Variants in SCN8A observed in about 807,000 individuals in gnomAD.
SCN8A encodes the protein sodium voltage-gated channel alpha subunit 8.
A neutral mutation model predicts 184.1 loss-of-function variants in SCN8A; 30 were observed. The observed-to-expected ratio is 0.16, with a 90% CI of 0.12 to 0.22. The LOEUF (loss-of-function observed/expected upper bound fraction) is 0.22, where lower values mean the gene tolerates loss of function less well. Ranked by LOEUF, SCN8A falls within the 10% of genes least tolerant of loss-of-function variation. SCN8A has a pLI of 1.00. For synonymous variants in SCN8A, 852 were observed against 907.0 expected (o/e 0.94, Z 1.09); for missense variants, 1,057 against 2,498.9 (o/e 0.42, Z 12.30).
At chr12:51,604,533 G>A (rs1222818958) in intron 1 of SCN8A, among the ~76,000 whole-genome samples, 1 of 151,548 alleles carries the variant, frequency 6.6e-6, no homozygotes, top group Non-Finnish European at 1.5e-5. Context: ...GTTTCGTTTT[G>A]TTTGGTTTTC....
intron 16 of SCN8A, chr12:51,766,265 G>T: frequency 1.8e-6 from 1 of 554,714 alleles, no homozygotes; most frequent in East Asian, 3.0e-5. Context: ...AGTTAGGAAA[G>T]CAAACTCAGC....
intron 1 of SCN8A, among the ~76,000 whole-genome samples, chr12:51,643,204 G>A (rs1565870833): frequency 6.6e-6 from 1 of 152,144 alleles, no homozygotes; most frequent in Admixed American, 6.5e-5. Flanking sequence ...GAAAGAACTT[G>A]ATCTTAGTCA....
intron 1 of SCN8A, among the ~76,000 whole-genome samples, chr12:51,617,767 A>G (rs1451093056): frequency 6.6e-6 from 1 of 152,190 alleles, no homozygotes; most frequent in African/African-American, 2.4e-5. Context: ...AGTTAGATTC[A>G]GGTTGCAAAT....
At chr12:51,730,888 C>T (rs1369044864) in intron 12 of SCN8A, among the ~76,000 whole-genome samples, 2 of 152,198 alleles carry the variant, frequency 1.3e-5, no homozygotes, top group Non-Finnish European at 2.9e-5. Flanking sequence ...CTTTGGTAAC[C>T]ATCCTTCTAC....
chr12:51,627,166 TTTG>T (rs1293998521), intron 1 of SCN8A, among the ~76,000 whole-genome samples: 1 of 152,158 alleles, frequency 6.6e-6, no homozygotes, highest in Non-Finnish European at 1.5e-5. Flanking sequence ...TAGTGTTGGT[TTTG>T]TTGTTAACAT....
Position 51,786,687 on chromosome 12 carries a change from T to C in SCN8A, c.4088T>C (p.Ile1363Thr), listed in dbSNP as rs1229965891. The C allele has an allele frequency of 1.1e-5, 17 of 1,613,996 alleles. No homozygotes were observed. Among genetic ancestry groups the C allele is most frequent in the Non-Finnish European group, 1.4e-5 (16 of 1,179,896 alleles). ...YHYCFNETSEIRFEIEDVNNK... is the reference protein window; with the variant it reads ...YHYCFNETSETRFEIEDVNNK... ...TACTGCTTTAATGAGACTTCTGAAA[T>C]CCGATTTGAAATTGAAGATGTCAAC... The change falls in exon 22 of 27, where the codon ATC becomes ACC. Residue 1363 changes from isoleucine to threonine, a missense_variant. Ile to Thr is a moderately conservative substitution (Grantham distance 89, BLOSUM62 -1). This residue lies in a region of SCN8A where 13 missense variants were observed against 20.0 expected (regional missense o/e 0.65). Coordinates refer to ENST00000627620, the MANE Select transcript of SCN8A (RefSeq NM_001330260.2).
chr12:51,772,408 A>T (rs1271713485), intron 19 of SCN8A, among the ~76,000 whole-genome samples: 2 of 151,864 alleles, frequency 1.3e-5, no homozygotes, highest in Non-Finnish European at 2.9e-5. Flanking sequence ...AAAAAAAAAA[A>T]AATAACAAAA....
chr12:51,786,711 A>G lies in SCN8A; in HGVS notation c.4112A>G (p.Asn1371Ser). The G allele has an allele frequency of 1.9e-6, 3 of 1,614,056 alleles. No homozygotes were observed. The highest frequency in any genetic ancestry group is 1.7e-6 in the Non-Finnish European group (2 of 1,179,894). The change falls in exon 22 of 27, where the codon AAC becomes AGC. Residue 1371 changes from asparagine (N) to serine (S), a missense_variant. Coordinates refer to ENST00000627620, the MANE Select transcript of SCN8A (RefSeq NM_001330260.2). ...ATCCGATTTGAAATTGAAGATGTCA[A>G]CAATAAAACTGAATGTGAAAAGCTT... is the stretch of plus-strand genomic sequence containing the variant. ...SEIRFEIEDV[N>S]NKTECEKLME... is the part of the protein sequence containing the mutation.
At chr12:51,678,221 T>C (rs1941259428) in intron 2 of SCN8A, among the ~76,000 whole-genome samples, 1 of 152,136 alleles carries the variant, frequency 6.6e-6, no homozygotes, top group Non-Finnish European at 1.5e-5. Context: ...GAACAGGGGA[T>C]AAAAGTAGGG....
At chr12:51,802,068 C>T (rs541327374) in intron 26 of SCN8A, among the ~76,000 whole-genome samples, 10 of 151,940 alleles carry the variant, frequency 6.6e-5, no homozygotes, top group African/African-American at 1.7e-4. Flanking sequence ...AAAAAAGAAA[C>T]TCAAGCAGTT....
intron 11 of SCN8A, among the ~76,000 whole-genome samples, chr12:51,716,373 A>G (rs1400577100): frequency 6.6e-6 from 1 of 152,166 alleles, no homozygotes; most frequent in African/African-American, 2.4e-5. Context: ...TAAAAAATAA[A>G]GTAGAGCATA....
In SCN8A at chr12:51,807,408, G is replaced by A; in HGVS notation, c.5922G>A (p.Glu1974=). ...GRRERAKRQK[E]VRESKC ...GGGAAAGAGCCAAAAGACAAAAAGAGGTCAGAGAATCCAAGTGTTAGAGGA... is the reference window on the plus strand; with the variant it reads ...GGGAAAGAGCCAAAAGACAAAAAGAAGTCAGAGAATCCAAGTGTTAGAGGA... The change falls in exon 27 of 27, where the codon GAG becomes GAA. Residue 1974 remains glutamate (E), a synonymous_variant. Coordinates refer to ENST00000627620, the MANE Select transcript of SCN8A (RefSeq NM_001330260.2). This position sits in a 1 kb window ranked among gnomAD's most constrained non-coding sequence, Gnocchi z 4.5. 1 of 1,611,374 alleles carries A rather than the reference G, an allele frequency of 6.2e-7. No individual in the cohort carries two copies. The highest frequency in any genetic ancestry group is 8.5e-7 in the Non-Finnish European group (1 of 1,178,574).
chr12:51,771,281 T>C (rs997229038), intron 19 of SCN8A, among the ~76,000 whole-genome samples: 3 of 151,718 alleles, frequency 2.0e-5, no homozygotes, highest in African/African-American at 7.3e-5. Context: ...TGTGAGGGAG[T>C]TGCTTGCTGG....
rs747058901 is a variant in SCN8A, at chr12:51,769,173, T to C, written c.3210T>C (p.Ile1070=). Reference sequence around the variant, plus strand: ...ATGGCAATGGCACAACCAGCGGCATTGGCAGCAGCGTGGAGAAGTACATCA... The same window carrying C: ...ATGGCAATGGCACAACCAGCGGCATCGGCAGCAGCGTGGAGAAGTACATCA... ...QKNGNGTTSG[I]GSSVEKYIID... Residue 1070 remains isoleucine, a synonymous_variant, in exon 17 of 27, where the codon ATT becomes ATC. Coordinates refer to ENST00000627620, the MANE Select transcript of SCN8A (RefSeq NM_001330260.2). 6.2e-7 allele frequency: 1 copy of C among 1,613,764 alleles called. No homozygotes were observed. The highest frequency in any genetic ancestry group is 8.5e-7 in the Non-Finnish European group (1 of 1,179,772).
chr12:51,631,199 C>T (rs1940189513), intron 1 of SCN8A, among the ~76,000 whole-genome samples: 1 of 152,172 alleles, frequency 6.6e-6, no homozygotes, highest in African/African-American at 2.4e-5. Flanking sequence ...TTTGGCTGGC[C>T]CTTTTCTATC....
chr12:51,647,810 A>G lies in SCN8A; in HGVS notation c.-54-14954A>G, dbSNP rs1940624358. On this transcript the variant is annotated intron_variant, in intron 1 of 26. Coordinates refer to ENST00000627620, the MANE Select transcript of SCN8A (RefSeq NM_001330260.2). ...GGAGTGGGGACAGTGTAAACCATCC[A>G]TCTGGCTGCATTTTTCTCTTCTCCT... is the stretch of plus-strand genomic sequence containing the variant. Among the ~76,000 whole-genome samples, 4 of 152,178 alleles carry G rather than the reference A, an allele frequency of 2.6e-5. No individual in the cohort carries two copies. In the South Asian group the frequency reaches 8.3e-4, roughly 32 times the overall value.
chr12:51,712,553 C>G, intron 11 of SCN8A: 2 of 776,926 alleles, frequency 2.6e-6, no homozygotes, highest in South Asian at 1.3e-5. Context: ...ACCAAAACTT[C>G]CCCCTTTCAT....
intron 1 of SCN8A, among the ~76,000 whole-genome samples, chr12:51,606,219 C>T (rs1555207202): frequency 6.6e-6 from 1 of 152,132 alleles, no homozygotes; most frequent in Non-Finnish European, 1.5e-5. Flanking sequence ...TTTATAGTTT[C>T]AGGTTTTAGA....
chr12:51,728,740 A>C (rs919566276), intron 12 of SCN8A, among the ~76,000 whole-genome samples: 45 of 15,408 alleles, frequency 2.9e-3, no homozygotes, highest in East Asian at 0.021. Flanking sequence ...CCAAAAAAAA[A>C]AAAAAAAAAA....
Sources: allele counts gnomAD v4.1 joint callset (sites outside exome capture counted in the v4.1 genomes callset), GRCh38; gene constraint gnomAD v4.1.1; regional missense constraint gnomAD v4.1.1; non-coding constraint Gnocchi (gnomAD v3.1); transcripts MANE v1.5; gene names NCBI Gene and HGNC (gene_info 2026-07-23, HGNC 2026-07-21).